The following ARL15 variants were observed in gnomAD, a reference collection of about 807,000 sequenced individuals.
The protein encoded by ARL15 is ADP-ribosylation factor-like protein 15.
Under a neutral mutation model 25.2 loss-of-function variants are expected in ARL15, and 19 were observed. The observed-to-expected ratio is 0.75, with a 90% CI of 0.53 to 1.10. The LOEUF (loss-of-function observed/expected upper bound fraction) is 1.10, where lower values mean the gene tolerates loss of function less well. Ranked by LOEUF, ARL15 falls within the 50% of genes least tolerant of loss-of-function variation. ARL15 has a pLI of 0.00. For synonymous variants in ARL15, 94 were observed against 86.8 expected (o/e 1.08, Z -0.46); for missense variants, 220 against 246.0 (o/e 0.89, Z 0.71).
At chr5:54,199,771 TG>T (rs1755658267) in intron 1 of ARL15, among the ~76,000 whole-genome samples, 1 of 138,712 alleles carries the variant, frequency 7.2e-6, no homozygotes, top group Admixed American at 7.4e-5. Flanking sequence ...AAATACCATT[TG>T]ACCCAGCCAT....
At chr5:54,043,666 G>A (rs1750412670) in intron 4 of ARL15, among the ~76,000 whole-genome samples, 1 of 151,938 alleles carries the variant, frequency 6.6e-6, no homozygotes, top group Admixed American at 6.6e-5. Context: ...TTACCACCAC[G>A]GGCTGAGCAC....
At position 54,052,635 on chromosome 5, in the gene ARL15, T is replaced by C. The variant is rs925175786; in HGVS notation, c.462+60567A>G. 2.0e-5 allele frequency among the ~76,000 whole-genome samples: 3 copies of C among 152,320 alleles called. No individual in the cohort carries two copies. The South Asian group carries it at 6.2e-4, about 32-fold the overall frequency. On this transcript the variant is annotated intron_variant, in intron 4 of 4. Transcript: ENST00000504924. Reference sequence around the variant, plus strand: ...GGTAAAAACGCTAGAATGATCCTTATGGGAATGAATTAGAGCTGAAGACCT... The same window carrying C: ...GGTAAAAACGCTAGAATGATCCTTACGGGAATGAATTAGAGCTGAAGACCT...
intron 3 of ARL15, among the ~76,000 whole-genome samples, chr5:54,139,140 CGATCCAGCA>C (rs1362762817): frequency 6.6e-6 from 1 of 152,124 alleles, no homozygotes; most frequent in Non-Finnish European, 1.5e-5. Context: ...ATCTACCATT[CGATCCAGCA>C]GTCCCACTAC....
At chr5:54,271,649 A>G (rs567410556) in intron 1 of ARL15, among the ~76,000 whole-genome samples, 4 of 152,176 alleles carry the variant, frequency 2.6e-5, no homozygotes, top group African/African-American at 9.7e-5. Context: ...CTAATATGCT[A>G]ACTTAGTCAA....
At chr5:54,247,117 T>A (rs773897974) in intron 1 of ARL15, among the ~76,000 whole-genome samples, 1 of 152,172 alleles carries the variant, frequency 6.6e-6, no homozygotes, top group African/African-American at 2.4e-5. Context: ...TTGGATATTA[T>A]TGAATGTAAT....
Position 54,096,945 on chromosome 5 carries a change from A to G in ARL15, c.462+16257T>C, listed in dbSNP as rs575974444. 8.5e-5 allele frequency among the ~76,000 whole-genome samples: 13 copies of G among 152,200 alleles called. No individual in the cohort carries two copies. The South Asian group carries it at 2.1e-3, about 24-fold the overall frequency. The stretch of plus-strand genomic sequence containing the variant: ...GAACAAAATTATTCTTAACACAGCC[A>G]GAGTACCTGAATCAAGACTATGGGA... On this transcript the variant is annotated intron_variant, in intron 4 of 4. Transcript: ENST00000504924.
chr5:54,241,796 C>T (rs1049922462), intron 1 of ARL15, among the ~76,000 whole-genome samples: 2 of 152,104 alleles, frequency 1.3e-5, no homozygotes, highest in African/African-American at 4.8e-5. Context: ...AAATGTTCTC[C>T]TTTTTCAAGA....
chr5:54,250,848 C>A (rs565817302), intron 1 of ARL15, among the ~76,000 whole-genome samples: 1 of 152,274 alleles, frequency 6.6e-6, no homozygotes, highest in South Asian at 2.1e-4. Flanking sequence ...CAAGTAGGCA[C>A]AGTGAAGGTC....
chr5:53,933,642 CAAAAA>C (rs34912827), intron 4 of ARL15, among the ~76,000 whole-genome samples: 2 of 76,000 alleles, frequency 2.6e-5, no homozygotes, highest in Non-Finnish European at 4.6e-5. Context: ...GAGACTGTCT[CAAAAA>C]AAAAAAAAAA....
intron 1 of ARL15, among the ~76,000 whole-genome samples, chr5:54,303,612 C>CTATAT (rs1579995693): frequency 2.6e-5 from 3 of 116,464 alleles, no homozygotes; most frequent in East Asian, 2.5e-4. Context: ...GTAAGGAGAT[C>CTATAT]GCACCACTGC....
intron 1 of ARL15, among the ~76,000 whole-genome samples, chr5:54,223,701 C>T (rs901934118): frequency 3.9e-5 from 6 of 152,168 alleles, no homozygotes; most frequent in Admixed American, 3.9e-4. Context: ...TGACTAAGAA[C>T]TTACTATGTA....
At chr5:53,945,277 C>T (rs887502026) in intron 4 of ARL15, among the ~76,000 whole-genome samples, 3 of 152,208 alleles carry the variant, frequency 2.0e-5, no homozygotes, top group East Asian at 1.9e-4. Flanking sequence ...TACGTTGCAA[C>T]TGTGAACACG....
intron 3 of ARL15, among the ~76,000 whole-genome samples, chr5:54,136,069 T>C (rs1753594101): frequency 6.6e-6 from 1 of 152,202 alleles, no homozygotes; most frequent in African/African-American, 2.4e-5. Context: ...CACCTTGTTA[T>C]TCAGGTAAAC....
At chr5:54,237,314 CTG>C (rs776858612) in intron 1 of ARL15, among the ~76,000 whole-genome samples, 1 of 152,234 alleles carries the variant, frequency 6.6e-6, no homozygotes, top group Non-Finnish European at 1.5e-5. Context: ...CCATGTGGAA[CTG>C]TGAGTCCACT....
At chr5:54,183,361 G>C (rs1447225748) in intron 1 of ARL15, among the ~76,000 whole-genome samples, 1 of 130,106 alleles carries the variant, frequency 7.7e-6, no homozygotes, top group Non-Finnish European at 1.6e-5. Flanking sequence ...TAGCATGAAG[G>C]GTTGTTGAAT....
chr5:54,009,687 T>C (rs909007231), intron 4 of ARL15, among the ~76,000 whole-genome samples: 7 of 152,336 alleles, frequency 4.6e-5, no homozygotes, highest in Non-Finnish European at 7.3e-5. Context: ...GCTGCACTAC[T>C]AAATCTTGCA....
intron 3 of ARL15, among the ~76,000 whole-genome samples, chr5:54,130,410 A>T (rs576343357): frequency 3.3e-4 from 51 of 152,344 alleles, no homozygotes; most frequent in African/African-American, 1.2e-3. Context: ...ATATTTTGCT[A>T]TTGAAACTTA....
intron 4 of ARL15, among the ~76,000 whole-genome samples, chr5:53,992,977 T>A (rs1748554242): frequency 6.7e-6 from 1 of 149,730 alleles, no homozygotes; most frequent in Non-Finnish European, 1.5e-5. Flanking sequence ...ACCCGGGAGG[T>A]GGAAGTTGCT....
At chr5:54,218,208 T>C (rs1215953053) in intron 1 of ARL15, among the ~76,000 whole-genome samples, 1 of 152,218 alleles carries the variant, frequency 6.6e-6, no homozygotes, top group Non-Finnish European at 1.5e-5. Context: ...GTTTTACCTC[T>C]GACTTTTAAA....
Sources: gnomAD v4.1 joint callset for allele counts (sites outside exome capture counted in the v4.1 genomes callset) on GRCh38, gnomAD v4.1.1 for gene constraint, MANE v1.5 for transcripts, NCBI Gene and HGNC (gene_info 2026-07-23, HGNC 2026-07-21) for gene names.